KIAA0825: variants seen among roughly 807,000 people sequenced by gnomAD.
KIAA0825 encodes the protein KIAA0825, also known as uncharacterized protein KIAA0825.
KIAA0825 carries 119 observed loss-of-function variants against 147.6 expected under a neutral mutation model. The ratio of observed to expected loss-of-function variants is 0.81; its 90% confidence interval spans 0.69 to 0.94. The LOEUF (loss-of-function observed/expected upper bound fraction) is 0.94. Among genes scored for constraint, KIAA0825 ranks in the 40% least tolerant of loss-of-function variants. The pLI, the probability that KIAA0825 is intolerant of heterozygous loss-of-function variation, is 0.00. For synonymous variants in KIAA0825, 470 were observed against 518.1 expected, an observed-to-expected ratio of 0.91 and a Z score of 1.26; for missense variants, 1,381 against 1,472.7, an observed-to-expected ratio of 0.94 and a Z score of 1.02.
intron 20 of KIAA0825, among the ~76,000 whole-genome samples, chr5:94,364,414 C>A (rs193020236): frequency 2.0e-5 from 3 of 151,690 alleles, no homozygotes; most frequent in African/African-American, 7.3e-5. Context: ...TGGAGTCTTG[C>A]TCTGTCGCCC....
chr5:94,238,260 A>G (rs1393353573), intron 20 of KIAA0825, among the ~76,000 whole-genome samples: 5 of 152,202 alleles, frequency 3.3e-5, no homozygotes, highest in Non-Finnish European at 7.3e-5. Context: ...TATTCACTGC[A>G]AAGTTATTTC....
chr5:94,451,700 T>A (rs757852399), intron 13 of KIAA0825, among the ~76,000 whole-genome samples: 4 of 152,214 alleles, frequency 2.6e-5, no homozygotes, highest in Non-Finnish European at 4.4e-5. Context: ...GCTGGGTTGA[T>A]CCGAGCAAGC....
chr5:94,449,101 C>A (rs1758079255), intron 13 of KIAA0825, among the ~76,000 whole-genome samples: 1 of 151,888 alleles, frequency 6.6e-6, no homozygotes, highest in Non-Finnish European at 1.5e-5. Context: ...CAAAGGTATT[C>A]CAAGAAAGGA....
chr5:94,378,912 G>C (rs949087984), intron 20 of KIAA0825, among the ~76,000 whole-genome samples: 1 of 152,088 alleles, frequency 6.6e-6, no homozygotes, highest in African/African-American at 2.4e-5. Flanking sequence ...TCTTTGAAAA[G>C]TGTCTGTTTA....
chr5:94,531,310 T>C (rs1770754577), intron 3 of KIAA0825, among the ~76,000 whole-genome samples: 1 of 152,114 alleles, frequency 6.6e-6, no homozygotes, highest in Non-Finnish European at 1.5e-5. Context: ...AGTATCACCA[T>C]AGACAATCAA....
chr5:94,167,388 G>C (rs890502319), intron 20 of KIAA0825, among the ~76,000 whole-genome samples: 5 of 151,982 alleles, frequency 3.3e-5, no homozygotes, highest in Admixed American at 6.6e-5. Context: ...TAATAGTTTT[G>C]TTTTCCTCTG....
rs150782928 is a variant in KIAA0825 at position 94,158,266 on chromosome 5, T to A, written c.3711-4142A>T. ...ACTCAATAATGTCAGAGTTTAGTAG[T>A]TGCAATCGAGACAGACTAAGACTGC... On this transcript the variant is annotated intron_variant, in intron 20 of 20. Coordinates refer to ENST00000682413, the MANE Select transcript of KIAA0825 (RefSeq NM_001145678.3). Among the ~76,000 whole-genome samples the A allele has an allele frequency of 1.4e-3, 214 of 152,272 alleles. 1 individual carries two copies. The highest frequency in any genetic ancestry group is 4.6e-3 in the African/African-American group (193 of 41,566).
intron 20 of KIAA0825, among the ~76,000 whole-genome samples, chr5:94,225,530 C>G (rs1774087400): frequency 6.6e-6 from 1 of 152,070 alleles, no homozygotes; most frequent in African/African-American, 2.4e-5. Flanking sequence ...AGTTGGAGCC[C>G]TCATGAAGGG....
At chr5:94,342,338 A>T (rs1397203476) in intron 20 of KIAA0825, among the ~76,000 whole-genome samples, 4 of 152,214 alleles carry the variant, frequency 2.6e-5, no homozygotes, top group Non-Finnish European at 4.4e-5. Flanking sequence ...CTGTTAAATT[A>T]ATTAACAAGA....
chr5:94,504,940 GT>G (rs1765559379), intron 5 of KIAA0825, among the ~76,000 whole-genome samples: 1 of 151,654 alleles, frequency 6.6e-6, no homozygotes, highest in Non-Finnish European at 1.5e-5. Flanking sequence ...TAAAGATGGG[GT>G]TTCCCTATGT....
intron 20 of KIAA0825, among the ~76,000 whole-genome samples, chr5:94,238,480 T>C (rs1775179511): frequency 6.6e-6 from 1 of 152,178 alleles, no homozygotes; most frequent in African/African-American, 2.4e-5. Flanking sequence ...AAGGAAGTAT[T>C]GTAATCAATT....
chr5:94,531,388 T>C (rs998936167), intron 3 of KIAA0825, among the ~76,000 whole-genome samples: 3 of 150,700 alleles, frequency 2.0e-5, no homozygotes, highest in African/African-American at 7.3e-5. Context: ...CATGAGAGAG[T>C]CTTTTTCCCA....
chr5:94,478,896 T>TTGCC (rs1343756830), intron 6 of KIAA0825, among the ~76,000 whole-genome samples: 1 of 152,170 alleles, frequency 6.6e-6, no homozygotes, highest in African/African-American at 2.4e-5. Context: ...AGAAGCTGAC[T>TTGCC]TGCCAATCTT....
intron 15 of KIAA0825, among the ~76,000 whole-genome samples, chr5:94,411,138 T>A (rs2150676408): frequency 6.6e-6 from 1 of 152,154 alleles, no homozygotes; most frequent in East Asian, 1.9e-4. Flanking sequence ...AGTGGTATAA[T>A]GTTATTAAAA....
rs36021428 is a variant in KIAA0825, at chr5:94,237,043, ATGTG to A, written c.3711-82923_3711-82920del. Among the ~76,000 whole-genome samples the A allele has an allele frequency of 4.9e-3, 724 of 147,568 alleles. 4 individuals are homozygous for A. Among genetic ancestry groups the A allele is most frequent in the African/African-American group, 0.015 (585 of 40,274 alleles). On this transcript the variant is annotated intron_variant, in intron 20 of 20. Transcript: ENST00000682413. ...TCTGAAGTATGCCTAAATAGGCTAT[ATGTG>A]TGTGTGTGTGTGTGTGTGTGTGTGT...
At chr5:94,535,931 T>C (rs1225290654) in intron 3 of KIAA0825, among the ~76,000 whole-genome samples, 2 of 152,230 alleles carry the variant, frequency 1.3e-5, no homozygotes, top group Non-Finnish European at 2.9e-5. Context: ...CTTAATAACA[T>C]GTAATGTAAT....
At chr5:94,253,475 G>A (rs572507484) in intron 20 of KIAA0825, among the ~76,000 whole-genome samples, 2 of 151,982 alleles carry the variant, frequency 1.3e-5, no homozygotes, top group Non-Finnish European at 1.5e-5. Flanking sequence ...CTTTTTTTAC[G>A]TCAGGAACAT....
chr5:94,446,866 G>C (rs1387727291), intron 13 of KIAA0825, among the ~76,000 whole-genome samples: 2 of 152,154 alleles, frequency 1.3e-5, no homozygotes, highest in African/African-American at 4.8e-5. Context: ...AAATGCTAGT[G>C]GTCACTGGAG....
intron 13 of KIAA0825, 64 bp from the exon 14 acceptor site, chr5:94,440,185 A>C (rs1252883457): frequency 1.9e-5 from 28 of 1,462,354 alleles, no homozygotes; most frequent in Non-Finnish European, 2.6e-5. Flanking sequence ...TAATAGCCTT[A>C]AAGTACAGAT....
Sources: gnomAD v4.1 joint callset for allele counts (sites outside exome capture counted in the v4.1 genomes callset) on GRCh38, gnomAD v4.1.1 for gene constraint, MANE v1.5 for transcripts, NCBI Gene and HGNC (gene_info 2026-07-23, HGNC 2026-07-21) for gene names.